RBFOX1: variants seen among roughly 807,000 people sequenced by gnomAD.
RBFOX1 encodes the protein RNA binding fox-1 homolog 1.
In RBFOX1, 8 loss-of-function variants were observed where a neutral mutation model predicts 57.7. The observed-to-expected ratio is 0.14, with a 90% confidence interval of 0.08 to 0.25. The LOEUF (loss-of-function observed/expected upper bound fraction) is 0.25, where lower values mean the gene tolerates loss of function less well. Among genes scored for constraint, RBFOX1 ranks in the 10% least tolerant of loss-of-function variants. The pLI is 1.00. For missense variants in RBFOX1, 611 were observed against 548.5 expected (o/e 1.11, Z -1.14); for synonymous variants, 326 against 222.4 (o/e 1.47, Z -4.15).
intron 4 of RBFOX1, among the ~76,000 whole-genome samples, chr16:7,422,487 C>T (rs1157303993): frequency 6.6e-6 from 1 of 152,156 alleles, no homozygotes; most frequent in Non-Finnish European, 1.5e-5. Context: ...TCGATTATGG[C>T]ATGATTTGGG....
chr16:7,670,901 C>T (rs1167229940), intron 13 of RBFOX1, among the ~76,000 whole-genome samples: 2 of 152,134 alleles, frequency 1.3e-5, no homozygotes, highest in South Asian at 2.1e-4. Context: ...CTACAGAGAC[C>T]TTCCTTGCCA....
chr16:6,772,611 G>A (rs761106437), intron 3 of RBFOX1, among the ~76,000 whole-genome samples: 20 of 149,972 alleles, frequency 1.3e-4, no homozygotes, highest in Non-Finnish European at 2.2e-4. Flanking sequence ...GCATTTGTGA[G>A]TGTATGTGTA....
At chr16:6,824,290 G>A (rs536416451) in intron 3 of RBFOX1, among the ~76,000 whole-genome samples, 12 of 152,140 alleles carry the variant, frequency 7.9e-5, no homozygotes, top group Admixed American at 5.2e-4. Flanking sequence ...CTGTAATCCC[G>A]GCTACTCATG....
chr16:6,731,340 T>A (rs1254259254), intron 3 of RBFOX1, among the ~76,000 whole-genome samples: 1 of 152,112 alleles, frequency 6.6e-6, no homozygotes, highest in Admixed American at 6.5e-5. Context: ...CATATATCAT[T>A]GTGGATCGTT....
intron 1 of RBFOX1, among the ~76,000 whole-genome samples, chr16:5,323,935 G>T (rs2064486205): frequency 6.6e-6 from 1 of 152,214 alleles, no homozygotes; most frequent in South Asian, 2.1e-4. Context: ...AATTCTGACA[G>T]AGACGATGTT....
intron 1 of RBFOX1, among the ~76,000 whole-genome samples, chr16:5,300,294 G>C (rs972040322): frequency 6.6e-6 from 1 of 152,130 alleles, no homozygotes; most frequent in Non-Finnish European, 1.5e-5. Flanking sequence ...TTAAAAATGG[G>C]TTGAAAATAT....
chr16:7,439,169 C>T (rs966877228), intron 4 of RBFOX1, among the ~76,000 whole-genome samples: 5 of 152,160 alleles, frequency 3.3e-5, no homozygotes, highest in Admixed American at 6.5e-5. Flanking sequence ...CAGGCCTTCG[C>T]GCTGTGTCGT....
At chr16:5,781,328 G>T (rs539027778) in intron 3 of RBFOX1, among the ~76,000 whole-genome samples, 60 of 152,254 alleles carry the variant, frequency 3.9e-4, no homozygotes, top group Non-Finnish European at 7.6e-4. Flanking sequence ...TGACTCTATT[G>T]ACTCTATTGA....
chr16:7,408,895 A>T (rs972605813), intron 4 of RBFOX1, among the ~76,000 whole-genome samples: 3 of 152,070 alleles, frequency 2.0e-5, no homozygotes, highest in African/African-American at 7.2e-5. Flanking sequence ...ATTGTTCTAG[A>T]GGTATGGTGT....
chr16:5,742,115 G>T (rs2052788645), intron 3 of RBFOX1, among the ~76,000 whole-genome samples: 1 of 152,198 alleles, frequency 6.6e-6, no homozygotes, highest in South Asian at 2.1e-4. Context: ...GATTTTCAGA[G>T]TGATAGTATA....
At chr16:5,466,470 C>T (rs1271612674) in intron 1 of RBFOX1, among the ~76,000 whole-genome samples, 1 of 152,146 alleles carries the variant, frequency 6.6e-6, no homozygotes, top group Admixed American at 6.5e-5. Flanking sequence ...ATTTCAACTC[C>T]TGGGGCCCTG....
chr16:7,196,114 C>T (rs767915275), intron 4 of RBFOX1, among the ~76,000 whole-genome samples: 3 of 152,042 alleles, frequency 2.0e-5, no homozygotes, highest in African/African-American at 2.4e-5. Context: ...TCTTCATCAT[C>T]CTACTCCTCC....
At chr16:6,870,686 G>C (rs1263990436) in intron 3 of RBFOX1, among the ~76,000 whole-genome samples, 1 of 152,106 alleles carries the variant, frequency 6.6e-6, no homozygotes, top group Non-Finnish European at 1.5e-5. Context: ...TAATTTTACA[G>C]CACAGTTTAA....
At chr16:6,436,132 T>C (rs2094225936) in intron 2 of RBFOX1, among the ~76,000 whole-genome samples, 1 of 152,128 alleles carries the variant, frequency 6.6e-6, no homozygotes, top group South Asian at 2.1e-4. Context: ...AAAAGAAATA[T>C]GCATTTTCTC....
chr16:6,575,238 A>G (rs575880299), intron 2 of RBFOX1, among the ~76,000 whole-genome samples: 45 of 152,284 alleles, frequency 3.0e-4, no homozygotes, highest in South Asian at 2.5e-3. Context: ...TCTGATAAAG[A>G]TAATTACATC....
intron 4 of RBFOX1, among the ~76,000 whole-genome samples, chr16:7,378,077 T>A (rs2147791851): frequency 6.6e-6 from 1 of 152,236 alleles, no homozygotes; most frequent in South Asian, 2.1e-4. Context: ...AGGATTCTAA[T>A]GGAGAAGTAG....
intron 3 of RBFOX1, among the ~76,000 whole-genome samples, chr16:5,814,423 C>T (rs183326908): frequency 7.6e-4 from 116 of 152,316 alleles, no homozygotes; most frequent in African/African-American, 2.5e-3. Context: ...AATTATACCC[C>T]CAGCAGCGAC....
At chr16:6,777,385 C>A (rs771766308) in intron 3 of RBFOX1, among the ~76,000 whole-genome samples, 1 of 152,084 alleles carries the variant, frequency 6.6e-6, no homozygotes, top group Non-Finnish European at 1.5e-5. Context: ...AGAAAGAGAA[C>A]CGAGGCAGGC....
intron 4 of RBFOX1, among the ~76,000 whole-genome samples, chr16:7,273,249 C>CCTTCCTTCCTTCCTTT: frequency 7.1e-6 from 1 of 141,104 alleles, no homozygotes; most frequent in South Asian, 2.4e-4. Flanking sequence ...TTCCTTCCTT[C>CCTTCCTTCCTTCCTTT]CTTCCTTCCT....
Sources: gnomAD v4.1 joint callset for allele counts (sites outside exome capture counted in the v4.1 genomes callset) on GRCh38, gnomAD v4.1.1 for gene constraint, MANE v1.5 for transcripts, NCBI Gene and HGNC (gene_info 2026-07-23, HGNC 2026-07-21) for gene names.